CDH13: variants seen among roughly 807,000 people sequenced by gnomAD.
CDH13 encodes the protein cadherin-13.
A neutral mutation model predicts 63.8 loss-of-function variants in CDH13; 24 were observed. The ratio of observed to expected loss-of-function variants is 0.38; its 90% CI spans 0.27 to 0.53. The LOEUF is 0.53. CDH13 is among the 20% of genes least tolerant of loss of function. The probability of loss-of-function intolerance (pLI) is 0.85; values close to 1 mark genes in which losing one functional copy is unlikely to be tolerated. For synonymous variants in CDH13, 503 were observed against 355.3 expected (o/e 1.42, Z -4.67); for missense variants, 1,049 against 903.1 (o/e 1.16, Z -2.07).
intron 7 of CDH13, among the ~76,000 whole-genome samples, chr16:83,602,145 C>CAAAAAAAAAA (rs1907904808): frequency 2.2e-5 from 1 of 44,462 alleles, no homozygotes; most frequent in African/African-American, 1.4e-4. Flanking sequence ...AAAAAAAAAC[C>CAAAAAAAAAA]CAAAGGACAA....
intron 8 of CDH13, among the ~76,000 whole-genome samples, chr16:83,630,384 A>G (rs1256010510): frequency 1.3e-5 from 2 of 152,176 alleles, no homozygotes; most frequent in Non-Finnish European, 2.9e-5. Context: ...CACGTGCCCG[A>G]GGTGCTCAGG....
intron 5 of CDH13, among the ~76,000 whole-genome samples, chr16:83,262,814 A>G (rs1055397564): frequency 6.6e-6 from 1 of 152,206 alleles, no homozygotes; most frequent in South Asian, 2.1e-4. Context: ...GGTGGTTTCA[A>G]TGGTTTTAAA....
intron 1 of CDH13, among the ~76,000 whole-genome samples, chr16:82,703,949 C>T (rs943026025): frequency 6.6e-6 from 1 of 152,200 alleles, no homozygotes; most frequent in African/African-American, 2.4e-5. Context: ...TTGCATTCAG[C>T]TTTGCTTTTA....
At position 83,371,967 on chromosome 16, in the gene CDH13, A is replaced by T. The variant is rs147227658; in HGVS notation, c.781+26961A>T. Among the ~76,000 whole-genome samples the T allele has an allele frequency of 5.3e-4, 80 of 152,360 alleles. 2 individuals are homozygous for T. Among genetic ancestry groups the T allele is most frequent in the African/African-American group, 1.7e-3 (71 of 41,576 alleles). ...CCCCGGACCGTATATACAGATATAT[A>T]GGGATACCTTTGGGGAAAGTAGAAT... On this transcript the variant is annotated intron_variant, in intron 6 of 13. Transcript: ENST00000567109.
intron 2 of CDH13, among the ~76,000 whole-genome samples, chr16:82,931,127 C>T (rs1438384384): frequency 6.6e-6 from 1 of 152,180 alleles, no homozygotes; most frequent in African/African-American, 2.4e-5. Flanking sequence ...TAGGTAATTA[C>T]ATGTGTGACT....
At chr16:83,125,293 A>G (rs1324455619) in intron 3 of CDH13, 92 bp from the exon 4 acceptor site, 26 of 722,038 alleles carry the variant, frequency 3.6e-5, no homozygotes, top group South Asian at 3.3e-4. Flanking sequence ...AAACAGCTGT[A>G]TGCTTTCCCA....
At chr16:83,453,437 C>T (rs2072936645) in intron 6 of CDH13, among the ~76,000 whole-genome samples, 1 of 152,126 alleles carries the variant, frequency 6.6e-6, no homozygotes, top group African/African-American at 2.4e-5. Flanking sequence ...TTACACCCCA[C>T]ACAGGATTGT....
chr16:83,235,426 A>G (rs2040115706), intron 5 of CDH13, among the ~76,000 whole-genome samples: 1 of 152,120 alleles, frequency 6.6e-6, no homozygotes, highest in South Asian at 2.1e-4. Flanking sequence ...TAACCGAATC[A>G]TGTTTTCACT....
chr16:83,379,919 G>A (rs867400404), intron 6 of CDH13, among the ~76,000 whole-genome samples: 15 of 126,436 alleles, frequency 1.2e-4, no homozygotes, highest in African/African-American at 3.5e-4. Context: ...ATGTGTGTGT[G>A]TATATATATA....
At chr16:82,656,377 G>A (rs942553641) in intron 1 of CDH13, among the ~76,000 whole-genome samples, 1 of 151,864 alleles carries the variant, frequency 6.6e-6, no homozygotes, top group Non-Finnish European at 1.5e-5. Flanking sequence ...AGGAAGACAG[G>A]TTGGCACCTG....
chr16:82,736,913 C>A (rs975537716), intron 1 of CDH13, among the ~76,000 whole-genome samples: 5 of 152,164 alleles, frequency 3.3e-5, no homozygotes, highest in South Asian at 2.1e-4. Flanking sequence ...GTTCCTCCAC[C>A]TTTCACTTCT....
chr16:83,359,404 A>T (rs1484166654), intron 6 of CDH13, among the ~76,000 whole-genome samples: 2 of 152,172 alleles, frequency 1.3e-5, no homozygotes, highest in Non-Finnish European at 2.9e-5. Flanking sequence ...TGGGTCACAA[A>T]TACTGGCAGC....
At chr16:83,525,090 T>A (rs7191600) in intron 7 of CDH13, among the ~76,000 whole-genome samples, 1 of 152,106 alleles carries the variant, frequency 6.6e-6, no homozygotes, top group Non-Finnish European at 1.5e-5. Flanking sequence ...AATTTACTTG[T>A]AATGAAAACC....
At chr16:82,929,541 A>C (rs2042410936) in intron 2 of CDH13, among the ~76,000 whole-genome samples, 1 of 149,734 alleles carries the variant, frequency 6.7e-6, no homozygotes, top group Non-Finnish European at 1.5e-5. Flanking sequence ...AGTCCCAGCG[A>C]CTCGGGAGGC....
chr16:83,504,563 C>G (rs900447875), intron 7 of CDH13, among the ~76,000 whole-genome samples: 1 of 152,164 alleles, frequency 6.6e-6, no homozygotes, highest in Non-Finnish European at 1.5e-5. Context: ...ATGACCTGGA[C>G]TCCACGTTTT....
chr16:83,652,644 C>A (rs142719028), intron 8 of CDH13, among the ~76,000 whole-genome samples: 9 of 152,288 alleles, frequency 5.9e-5, no homozygotes, highest in African/African-American at 2.2e-4. Context: ...TTTCCTCACT[C>A]AGGAGCTGGA....
intron 10 of CDH13, among the ~76,000 whole-genome samples, chr16:83,747,842 G>A (rs1234501779): frequency 6.6e-6 from 1 of 151,340 alleles, no homozygotes; most frequent in Non-Finnish European, 1.5e-5. Flanking sequence ...GCTTCTGTGA[G>A]AGCTTGGCAG....
At chr16:83,421,715 TTTG>T (rs535971574) in intron 6 of CDH13, among the ~76,000 whole-genome samples, 24 of 152,356 alleles carry the variant, frequency 1.6e-4, no homozygotes, top group African/African-American at 4.8e-4. Context: ...TTTTCCAGGC[TTTG>T]TTGTTAGCGT....
At chr16:83,477,585 C>T (rs1298092472) in intron 6 of CDH13, among the ~76,000 whole-genome samples, 1 of 152,114 alleles carries the variant, frequency 6.6e-6, no homozygotes, top group Non-Finnish European at 1.5e-5. Context: ...TGAGCCAGAT[C>T]ATTCTCGGAC....
Sources: gnomAD v4.1 joint callset for allele counts (sites outside exome capture counted in the v4.1 genomes callset) on GRCh38, gnomAD v4.1.1 for gene constraint, MANE v1.5 for transcripts, NCBI Gene and HGNC (gene_info 2026-07-23, HGNC 2026-07-21) for gene names.